The following NEDD4L variants were observed in gnomAD, a reference collection of about 807,000 sequenced individuals.
NEDD4L encodes the protein E3 ubiquitin-protein ligase NEDD4-like.
A neutral mutation model predicts 148.9 loss-of-function variants in NEDD4L; 54 were observed. The ratio of observed to expected loss-of-function variants is 0.36; its 90% CI spans 0.29 to 0.45. NEDD4L has a LOEUF of 0.45. Ranked by LOEUF, NEDD4L falls within the 20% of genes least tolerant of loss-of-function variation. The pLI is 1.00. For missense variants in NEDD4L, 856 were observed against 1,233.8 expected, an observed-to-expected ratio of 0.69 and a Z score of 4.59; for synonymous variants, 433 against 440.7, an observed-to-expected ratio of 0.98 and a Z score of 0.22.
At chr18:58,286,556 T>C (rs2053933787) in intron 5 of NEDD4L, among the ~76,000 whole-genome samples, 1 of 152,186 alleles carries the variant, frequency 6.6e-6, no homozygotes, top group Non-Finnish European at 1.5e-5. Context: ...ACTTATCTAG[T>C]CTGCACTCTT....
Position 58,398,067 on chromosome 18 carries a change from G to A in NEDD4L, c.*1798G>A, listed in dbSNP as rs1428626544. On this transcript the variant is annotated 3_prime_UTR_variant, in exon 31 of 31. Coordinates refer to ENST00000400345, the MANE Select transcript of NEDD4L (RefSeq NM_001144967.3). The stretch of plus-strand genomic sequence containing the variant: ...AGAGGCCTGAGGTTTCTAAAAGAAG[G>A]TAGATTTCTACAGAGCTGAGTGTTG... 6.8e-6 allele frequency: 1 copy of A among 147,302 alleles called. No homozygotes were observed. The highest frequency in any genetic ancestry group is 1.5e-5 in the Non-Finnish European group (1 of 67,282). 9.1% of individuals were successfully genotyped at this position (147,302 alleles called of 1,614,324 possible).
chr18:58,375,618 C>G (rs1601855350), intron 24 of NEDD4L, among the ~76,000 whole-genome samples: 1 of 152,202 alleles, frequency 6.6e-6, no homozygotes, highest in Admixed American at 6.5e-5. Context: ...CCACTCTGTA[C>G]CGATGCATTC....
intron 6 of NEDD4L, among the ~76,000 whole-genome samples, chr18:58,320,651 T>C (rs961297811): frequency 2.6e-5 from 4 of 151,994 alleles, no homozygotes; most frequent in Non-Finnish European, 5.9e-5. Flanking sequence ...CCCATGTCTA[T>C]AAAAAATAAA....
chr18:58,251,344 G>T lies in NEDD4L; in HGVS notation c.244-657G>T, dbSNP rs565007127. On this transcript the variant is annotated intron_variant, in intron 4 of 30. Coordinates refer to ENST00000400345, the MANE Select transcript of NEDD4L (RefSeq NM_001144967.3). ...AGTTCAAAACCAGCCTGGGGAACAT[G>T]GTGAAACCTCATCTCTACAAAAAAA... is the stretch of plus-strand genomic sequence containing the variant. Among the ~76,000 whole-genome samples, 3 of 152,214 alleles carry T rather than the reference G, an allele frequency of 2.0e-5. No individual in the cohort carries two copies. The South Asian group carries it at 6.2e-4, about 32-fold the overall frequency.
At chr18:58,108,051 T>G (rs994938018) in intron 1 of NEDD4L, among the ~76,000 whole-genome samples, 1 of 152,160 alleles carries the variant, frequency 6.6e-6, no homozygotes, top group Non-Finnish European at 1.5e-5. Flanking sequence ...GAGAGGAGGA[T>G]CCTCAGAATA....
intron 2 of NEDD4L, among the ~76,000 whole-genome samples, chr18:58,202,568 G>A (rs978996990): frequency 2.6e-5 from 4 of 152,258 alleles, no homozygotes; most frequent in Admixed American, 2.6e-4. Context: ...CAGGGATGAT[G>A]CAGTTCCTTT....
chr18:58,231,237 C>CAAAAA (rs67220469), intron 2 of NEDD4L, among the ~76,000 whole-genome samples: 25 of 89,934 alleles, frequency 2.8e-4, no homozygotes, highest in Non-Finnish European at 4.4e-4. Flanking sequence ...GACCCTATCT[C>CAAAAA]AAAAAAAAAA....
At chr18:58,110,271 G>A (rs563334923) in intron 1 of NEDD4L, among the ~76,000 whole-genome samples, 1 of 152,320 alleles carries the variant, frequency 6.6e-6, no homozygotes, top group South Asian at 2.1e-4. Flanking sequence ...CAATCCACAT[G>A]GGATGGAAGG....
chr18:58,165,835 C>G lies in NEDD4L; in HGVS notation c.96C>G (p.Leu32=). ...LRVKVVSGID[L]AKKDIFGASD... Reference sequence around the variant, plus strand: ...TAAAAGTTGTTTCTGGAATTGATCTCGCCAAAAAGGACATCTTTGGAGCCA... The same window carrying G: ...TAAAAGTTGTTTCTGGAATTGATCTGGCCAAAAAGGACATCTTTGGAGCCA... Residue 32 remains leucine (L), a synonymous_variant, in exon 2 of 31, where the codon CTC becomes CTG. Transcript: ENST00000400345. 6.2e-7 allele frequency: 1 copy of G among 1,610,576 alleles called. No homozygotes were observed. The highest frequency in any genetic ancestry group is 1.1e-5 in the South Asian group (1 of 90,108).
In NEDD4L at chr18:58,256,041, C is replaced by T. The variant is rs1304269212; in HGVS notation, c.297+3987C>T. ...GACCAGGCCTCCGCCACTGCCACCA[C>T]GAGGGCCTCGCCCCAGAGTGGCTCC... On this transcript the variant is annotated intron_variant, in intron 5 of 30. Coordinates refer to ENST00000400345, the MANE Select transcript of NEDD4L (RefSeq NM_001144967.3). This position sits in a 1 kb window ranked among gnomAD's most constrained non-coding sequence, Gnocchi z 5.2. 1 of 1,229,600 alleles carries T rather than the reference C, an allele frequency of 8.1e-7. No homozygotes were observed. Among genetic ancestry groups the T allele is most frequent in the Non-Finnish European group, 1.0e-6 (1 of 986,658 alleles). 76.2% of individuals were successfully genotyped at this position (1,229,600 alleles called of 1,614,324 possible).
chr18:58,074,041 A>C (rs117932054), intron 1 of NEDD4L, among the ~76,000 whole-genome samples: 2 of 152,282 alleles, frequency 1.3e-5, no homozygotes, highest in East Asian at 3.9e-4. Flanking sequence ...TGCCACTGGC[A>C]GGGTCTGCTT....
intron 5 of NEDD4L, among the ~76,000 whole-genome samples, chr18:58,268,588 C>T (rs931924250): frequency 6.6e-6 from 1 of 152,030 alleles, no homozygotes; most frequent in Non-Finnish European, 1.5e-5. Flanking sequence ...AGCAGATAGA[C>T]ACAATCTTAG....
chr18:58,111,704 AC>A (rs1240511595), intron 1 of NEDD4L, among the ~76,000 whole-genome samples: 18 of 152,066 alleles, frequency 1.2e-4, no homozygotes, highest in Non-Finnish European at 2.6e-4. Flanking sequence ...AGCCATGCTG[AC>A]CCCTGTAGAG....
chr18:58,339,953 A>T (rs2042221033), intron 13 of NEDD4L, among the ~76,000 whole-genome samples: 2 of 152,200 alleles, frequency 1.3e-5, no homozygotes, highest in Non-Finnish European at 2.9e-5. Flanking sequence ...AACTGCTAAA[A>T]TATCTGGAAG....
intron 1 of NEDD4L, among the ~76,000 whole-genome samples, chr18:58,047,750 G>A (rs919956790): frequency 2.6e-5 from 4 of 152,218 alleles, no homozygotes; most frequent in Non-Finnish European, 5.9e-5. Flanking sequence ...TTTGGAATCA[G>A]AACACTTTGG....
chr18:58,345,255 T>C (rs2042907077), intron 16 of NEDD4L, among the ~76,000 whole-genome samples: 1 of 152,248 alleles, frequency 6.6e-6, no homozygotes, highest in Admixed American at 6.5e-5. Context: ...ACAGCTGCGC[T>C]ATCGCTTCTA....
Position 58,366,490 on chromosome 18 carries a change from A to T in NEDD4L, c.2063+262A>T, listed in dbSNP as rs1350058920. On this transcript the variant is annotated intron_variant, in intron 21 of 30. Coordinates refer to ENST00000400345, the MANE Select transcript of NEDD4L (RefSeq NM_001144967.3). This position sits in a 1 kb window ranked among gnomAD's most constrained non-coding sequence, Gnocchi z 4.2. ...GTTGAAATTGAAAACGTGGATAATT[A>T]TGATAAGGAACAGGAGGCGATTTTC... 8.9e-6 allele frequency: 3 copies of T among 338,536 alleles called. No homozygotes were observed. The East Asian group carries it at 1.3e-4, about 15-fold the overall frequency. The allele number at this position is 338,536 out of a possible 1,614,324, so 21.0% of individuals were successfully genotyped here. A position where few individuals can be genotyped will look rare whatever the true frequency, so the allele number is the denominator to read the frequency against.
At chr18:58,098,694 G>T (rs916857402) in intron 1 of NEDD4L, among the ~76,000 whole-genome samples, 8 of 152,044 alleles carry the variant, frequency 5.3e-5, no homozygotes, top group African/African-American at 1.9e-4. Flanking sequence ...CACACTTTCC[G>T]GAATTATTTC....
intron 1 of NEDD4L, among the ~76,000 whole-genome samples, chr18:58,072,903 CACA>C (rs1440488872): frequency 1.3e-5 from 2 of 148,252 alleles, no homozygotes; most frequent in East Asian, 3.9e-4. Flanking sequence ...CACACACACA[CACA>C]AATCTTGAAC....
Sources: allele counts gnomAD v4.1 joint callset (sites outside exome capture counted in the v4.1 genomes callset), GRCh38; gene constraint gnomAD v4.1.1; non-coding constraint Gnocchi (gnomAD v3.1); transcripts MANE v1.5; gene names NCBI Gene and HGNC (gene_info 2026-07-23, HGNC 2026-07-21).